ALDH3A2: variants seen among roughly 807,000 people sequenced by gnomAD.
ALDH3A2 encodes the protein aldehyde dehydrogenase family 3 member A2.
In ALDH3A2, 36 loss-of-function variants were observed where a neutral mutation model predicts 51.3. The ratio of observed to expected loss-of-function variants is 0.70; its 90% CI spans 0.54 to 0.93. The LOEUF (loss-of-function observed/expected upper bound fraction) is 0.93, where lower values mean the gene tolerates loss of function less well. ALDH3A2 is among the 40% of genes least tolerant of loss of function. The probability of loss-of-function intolerance (pLI) is 0.00; values close to 1 mark genes in which losing one functional copy is unlikely to be tolerated. For synonymous variants in ALDH3A2, 199 were observed against 219.8 expected (o/e 0.91, Z 0.84); for missense variants, 552 against 603.1 (o/e 0.92, Z 0.89).
chr17:19,649,637 A>C (rs1283177814), intron 1 of ALDH3A2: 1 of 152,698 alleles, frequency 6.5e-6, no homozygotes, highest in Admixed American at 6.5e-5. Context: ...TCTTTGTTAG[A>C]CAGAGTTTTG....
chr17:19,656,805 A>C (rs1463510056), intron 4 of ALDH3A2, among the ~76,000 whole-genome samples: 1 of 152,200 alleles, frequency 6.6e-6, no homozygotes, highest in Non-Finnish European at 1.5e-5. Flanking sequence ...TAGGAATTTT[A>C]AAAAAGTTAT....
rs759922554 is a variant in ALDH3A2 at position 19,663,338 on chromosome 17, A to G, written c.946A>G (p.Thr316Ala). 5 of 1,614,086 alleles carry G rather than the reference A, an allele frequency of 3.1e-6. No homozygotes were observed. Among genetic ancestry groups the G allele is most frequent in the Non-Finnish European group, 3.4e-6 (4 of 1,179,970 alleles). ...TDEATRYIAP[T>A]VLTDVDPKTK... ...TTTGTTTATTTTCTTTTTAGCCCCA[A>G]CAGTACTTACCGATGTTGATCCTAA... Residue 316 changes from threonine (T) to alanine (A), a missense_variant, in exon 7 of 10, where the codon ACA becomes GCA. By Grantham distance (58) the Thr-to-Ala change is moderately conservative. Transcript: ENST00000176643.
rs946548736 is a variant in ALDH3A2, at chr17:19,654,003, G to A, written c.471+1371G>A. 1.3e-5 allele frequency among the ~76,000 whole-genome samples: 2 copies of A among 152,274 alleles called. No homozygotes were observed. Among genetic ancestry groups the A allele is most frequent in the Admixed American group, 6.5e-5 (1 of 15,296 alleles). On this transcript the variant is annotated intron_variant, in intron 3 of 9. Coordinates refer to ENST00000176643, the MANE Select transcript of ALDH3A2 (RefSeq NM_000382.3). The surrounding 1 kb of genome is among the most constrained non-coding windows in gnomAD (Gnocchi z 4.5). ...GTCCCCACTAGATTAGCTAGACACA[G>A]AGCACTGATTGGTGCATTTACAAAC...
At chr17:19,671,983 A>G (rs1387276454) in intron 9 of ALDH3A2, 27 bp downstream of exon 9, 2 of 1,593,428 alleles carry the variant, frequency 1.3e-6, no homozygotes, top group Admixed American at 3.3e-5. Context: ...CATGAGTGCC[A>G]TTCAGTCTGG....
chr17:19,665,326 G>T (rs1181039175), intron 8 of ALDH3A2, among the ~76,000 whole-genome samples: 1 of 151,840 alleles, frequency 6.6e-6, no homozygotes, highest in African/African-American at 2.4e-5. Flanking sequence ...ACATTTAGGA[G>T]ATTTGGGAAC....
chr17:19,653,038 A>G (rs1306843011), intron 3 of ALDH3A2, among the ~76,000 whole-genome samples: 2 of 151,668 alleles, frequency 1.3e-5, no homozygotes, highest in Non-Finnish European at 2.9e-5. Flanking sequence ...CTGTGATTAT[A>G]TAAGAGTACT....
At position 19,671,921 on chromosome 17, in the gene ALDH3A2, A is replaced by G. The variant is rs1248412784; in HGVS notation, c.1408A>G (p.Thr470Ala). The G allele has an allele frequency of 1.2e-6, 2 of 1,614,024 alleles. No individual in the cohort carries two copies. Among genetic ancestry groups the G allele is most frequent in the Non-Finnish European group, 1.7e-6 (2 of 1,180,034 alleles). The part of the protein sequence containing the change: ...NKEKLGLLLL[T>A]FLGIVAAVLV... ...AGAAAAACTCGGTCTCCTGTTGCTC[A>G]CTTTCCTGGGTATTGTAGCCGCTGT... Residue 470 changes from threonine to alanine, a missense_variant, in exon 9 of 10, where the codon ACT becomes GCT. By Grantham distance (58) the Thr-to-Ala change is moderately conservative (BLOSUM62 0). Transcript: ENST00000176643.
intron 6 of ALDH3A2, among the ~76,000 whole-genome samples, 182 bp from the exon 7 acceptor site, chr17:19,663,151 T>C (rs895790301): frequency 1.3e-5 from 2 of 152,240 alleles, no homozygotes; most frequent in African/African-American, 2.4e-5. Context: ...GGGTTGTGAT[T>C]CACAGGCTTT....
chr17:19,663,261 G>C, intron 6 of ALDH3A2, 72 bp from the exon 7 acceptor site: 1 of 1,550,744 alleles, frequency 6.4e-7, no homozygotes, highest in Non-Finnish European at 8.9e-7. Flanking sequence ...GTGACCCAAT[G>C]AAAGAGATGT....
intron 4 of ALDH3A2, 115 bp from the exon 5 acceptor site, chr17:19,657,630 C>T: frequency 4.9e-6 from 4 of 819,840 alleles, no homozygotes; most frequent in Non-Finnish European, 8.3e-6. Context: ...TAAAAATTGC[C>T]AGATAAATAT....
chr17:19,658,017 G>A (rs1024582000), intron 5 of ALDH3A2, among the ~76,000 whole-genome samples, 155 bp downstream of exon 5: 1 of 152,232 alleles, frequency 6.6e-6, no homozygotes, highest in Non-Finnish European at 1.5e-5. Context: ...AAAATGCTAT[G>A]TGTACCATAG....
intron 4 of ALDH3A2, among the ~76,000 whole-genome samples, 170 bp downstream of exon 4, chr17:19,656,744 G>A (rs756872868): frequency 1.4e-4 from 21 of 152,134 alleles, no homozygotes; most frequent in Non-Finnish European, 2.2e-4. Context: ...GTCTCTTGGC[G>A]CCACTGTCAA....
chr17:19,651,029 G>T (rs2084807737), intron 1 of ALDH3A2, among the ~76,000 whole-genome samples: 2 of 152,214 alleles, frequency 1.3e-5, no homozygotes, highest in Admixed American at 1.3e-4. Context: ...GAGTATGTGT[G>T]TATATAGGAT....
chr17:19,661,772 T>A (rs2084969385), intron 6 of ALDH3A2, among the ~76,000 whole-genome samples: 1 of 151,666 alleles, frequency 6.6e-6, no homozygotes, highest in Non-Finnish European at 1.5e-5. Flanking sequence ...ACATATAAGG[T>A]GACAGAAAAA....
chr17:19,651,339 C>A (rs2084811623), intron 1 of ALDH3A2, among the ~76,000 whole-genome samples: 1 of 152,096 alleles, frequency 6.6e-6, no homozygotes, highest in South Asian at 2.1e-4. Flanking sequence ...CTGAAATAAT[C>A]TTTGATTTTT....
At chr17:19,650,336 C>T (rs576044804) in intron 1 of ALDH3A2, among the ~76,000 whole-genome samples, 1 of 152,034 alleles carries the variant, frequency 6.6e-6, no homozygotes, top group South Asian at 2.1e-4. Context: ...GGCTGAAGTG[C>T]AGTGACTCAA....
intron 3 of ALDH3A2, chr17:19,656,129 TA>T: frequency 1.9e-6 from 1 of 536,956 alleles, no homozygotes; most frequent in South Asian, 2.0e-5. Context: ...TGAGCTCATG[TA>T]AAAAAACACT....
intron 9 of ALDH3A2, 61 bp downstream of exon 9, chr17:19,672,017 GCATATTCTAGCAGGACTCTA>G: frequency 7.2e-7 from 1 of 1,384,858 alleles, no homozygotes. Context: ...GCTGCCAGAT[GCATATTCTAGCAGGACTCTA>G]CATTAACTTG....
chr17:19,662,225 A>T (rs1177376336), intron 6 of ALDH3A2: 1 of 152,258 alleles, frequency 6.6e-6, no homozygotes, highest in Non-Finnish European at 1.5e-5. Flanking sequence ...TAGACTAATT[A>T]GGACTTTCCC....
Sources: gnomAD v4.1 joint callset for allele counts (sites outside exome capture counted in the v4.1 genomes callset) on GRCh38, gnomAD v4.1.1 for gene constraint, Gnocchi (gnomAD v3.1) non-coding constraint, MANE v1.5 for transcripts, NCBI Gene and HGNC (gene_info 2026-07-23, HGNC 2026-07-21) for gene names.